CAMTA1: variants seen among roughly 807,000 people sequenced by gnomAD.
CAMTA1 encodes calmodulin binding transcription activator 1.
A neutral mutation model predicts 170.9 loss-of-function variants in CAMTA1; 27 were observed. That is an observed-to-expected ratio of 0.16 (90% CI 0.12 to 0.22). The LOEUF (loss-of-function observed/expected upper bound fraction) is 0.22. Among genes scored for constraint, CAMTA1 ranks in the 10% least tolerant of loss-of-function variants. The pLI, the probability that CAMTA1 is intolerant of heterozygous loss-of-function variation, is 1.00. For synonymous variants in CAMTA1, 833 were observed against 891.5 expected (o/e 0.93, Z 1.17); for missense variants, 1,619 against 2,217.2 (o/e 0.73, Z 5.42).
intron 6 of CAMTA1, among the ~76,000 whole-genome samples, chr1:7,613,831 C>G (rs183785355): frequency 0.011 from 1,547 of 139,080 alleles, 17 homozygotes; most frequent in African/African-American, 0.039. Flanking sequence ...CCAGAGGAGT[C>G]GGGGGAGCAA....
rs972489702 is a variant in CAMTA1 at position 6,887,616 on chromosome 1, G to A, written c.234+62406G>A. The A allele has an allele frequency of 1.3e-6, 2 of 1,530,836 alleles. No individual in the cohort carries two copies. The highest frequency in any genetic ancestry group is 8.7e-7 in the Non-Finnish European group (1 of 1,144,916). 94.8% of individuals were successfully genotyped at this position (1,530,836 alleles called of 1,614,324 possible). A position where few individuals can be genotyped will look rare whatever the true frequency, so the allele number is the denominator to read the frequency against. On this transcript the variant is annotated intron_variant, in intron 3 of 22. Transcript: ENST00000303635. The surrounding 1 kb of genome is among the most constrained non-coding windows in gnomAD (Gnocchi z 4.1). ...TCTTCAGTTAAAAACAGAAATAGAA[G>A]CGACGGTTTTGACCCATTTTACACC...
chr1:7,683,134 C>T (rs2096226440), intron 11 of CAMTA1, among the ~76,000 whole-genome samples: 1 of 149,946 alleles, frequency 6.7e-6, no homozygotes, highest in Non-Finnish European at 1.5e-5. Flanking sequence ...GAGATTGTGC[C>T]ACTGCACTCC....
At chr1:7,168,346 C>T (rs1648927187) in intron 4 of CAMTA1, among the ~76,000 whole-genome samples, 1 of 152,154 alleles carries the variant, frequency 6.6e-6, no homozygotes, top group Admixed American at 6.5e-5. Context: ...CATTACTGAG[C>T]AGATTAGAAC....
Position 7,076,218 on chromosome 1 carries a change from G to A in CAMTA1, c.235-15086G>A, listed in dbSNP as rs575577364. 1.9e-4 allele frequency among the ~76,000 whole-genome samples: 29 copies of A among 152,270 alleles called. No individual in the cohort carries two copies. The South Asian group carries it at 4.8e-3, about 25-fold the overall frequency. On this transcript the variant is annotated intron_variant, in intron 3 of 22. Coordinates refer to ENST00000303635, the MANE Select transcript of CAMTA1 (RefSeq NM_015215.4). Reference sequence around the variant, plus strand: ...CATCACGTTGGACAAGAAGGGCCTCGTTTTATTGGAACCTCTTTCTTTTTC... The same window carrying A: ...CATCACGTTGGACAAGAAGGGCCTCATTTTATTGGAACCTCTTTCTTTTTC...
chr1:7,766,466 G>T lies in CAMTA1; in HGVS notation c.4997G>T (p.Arg1666Ile). Residue 1666 changes from arginine to isoleucine, a missense_variant, in exon 23 of 23, where the codon AGA becomes ATA. Coordinates refer to ENST00000303635, the MANE Select transcript of CAMTA1 (RefSeq NM_015215.4). ...VDHRLYKRSE[R>I]IEKGQGT ...GTTTTGTTTCTCTTCCAGAGTGAAA[G>T]AATTGAAAAAGGCCAAGGAACTTGA... 2 of 1,614,024 alleles carry T rather than the reference G, an allele frequency of 1.2e-6. No individual in the cohort carries two copies. The highest frequency in any genetic ancestry group is 8.5e-7 in the Non-Finnish European group (1 of 1,179,968).
At position 7,370,896 on chromosome 1, in the gene CAMTA1, C is replaced by T. The variant is rs553861424; in HGVS notation, c.439-96934C>T. On this transcript the variant is annotated intron_variant, in intron 5 of 22. Coordinates refer to ENST00000303635, the MANE Select transcript of CAMTA1 (RefSeq NM_015215.4). ...TTGCCCTGGGTCCTGGGATATGGCACTTTCTTTTTCTTTCTTTCTTTTTTT... is the reference window on the plus strand; with the variant it reads ...TTGCCCTGGGTCCTGGGATATGGCATTTTCTTTTTCTTTCTTTCTTTTTTT... Among the ~76,000 whole-genome samples, 4 of 82,500 alleles carry T rather than the reference C, an allele frequency of 4.8e-5. No homozygotes were observed. The South Asian group carries it at 1.9e-3, about 39-fold the overall frequency. The allele number at this position is 82,500 out of a possible 152,430, so 54.1% of individuals were successfully genotyped here.
intron 4 of CAMTA1, among the ~76,000 whole-genome samples, chr1:7,238,243 C>T (rs999774966): frequency 3.3e-5 from 5 of 150,966 alleles, no homozygotes; most frequent in Non-Finnish European, 7.4e-5. Context: ...ACATCTGAAG[C>T]TTGGGCACAG....
In CAMTA1 at chr1:7,661,806, G is replaced by C. The variant is rs778114036; in HGVS notation, c.745G>C (p.Asp249His). Residue 249 changes from aspartate to histidine, a missense_variant, in exon 8 of 23, where the codon GAC becomes CAC. This residue lies in a region of CAMTA1 where 731 missense variants were observed against 907.6 expected (regional missense o/e 0.81). Coordinates refer to ENST00000303635, the MANE Select transcript of CAMTA1 (RefSeq NM_015215.4). Reference sequence around the variant, plus strand: ...GGAACAGCTGGTGCAGCAGATCCTCGACAGCCACCAGACCAAGCCCCAGCC... The same window carrying C: ...GGAACAGCTGGTGCAGCAGATCCTCCACAGCCACCAGACCAAGCCCCAGCC... ...SVEQLVQQILDSHQTKPQPRT... is the reference protein window; with the variant it reads ...SVEQLVQQILHSHQTKPQPRT... The C allele has an allele frequency of 1.2e-6, 2 of 1,613,400 alleles. No homozygotes were observed. Among genetic ancestry groups the C allele is most frequent in the Admixed American group, 1.7e-5 (1 of 59,986 alleles).
At chr1:7,630,010 T>C (rs1334896824) in intron 6 of CAMTA1, among the ~76,000 whole-genome samples, 1 of 152,214 alleles carries the variant, frequency 6.6e-6, no homozygotes, top group Non-Finnish European at 1.5e-5. Flanking sequence ...TCTTTTTCGT[T>C]ACTCATTAAA....
chr1:7,567,215 C>T (rs938451723), intron 6 of CAMTA1, among the ~76,000 whole-genome samples: 4 of 152,154 alleles, frequency 2.6e-5, no homozygotes, highest in African/African-American at 7.2e-5. Flanking sequence ...ATGGTGGCAG[C>T]GGAGGAAGGC....
rs570079149 is a variant in CAMTA1 at position 7,452,519 on chromosome 1, G to T, written c.439-15311G>T. Among the ~76,000 whole-genome samples the T allele has an allele frequency of 5.6e-4, 86 of 152,284 alleles. 2 individuals carry two copies. In the South Asian group the frequency reaches 0.017, roughly 30 times the overall value. ...GGAAACTCCCAATGCATTAGCAGCC[G>T]TTCCCCCTTCTTCCCTCCCTCTGCC... On this transcript the variant is annotated intron_variant, in intron 5 of 22. Transcript: ENST00000303635.
chr1:7,740,256 A>G (rs988683950), intron 16 of CAMTA1, among the ~76,000 whole-genome samples: 1 of 152,268 alleles, frequency 6.6e-6, no homozygotes, highest in African/African-American at 2.4e-5. Flanking sequence ...TGTAGGCCAT[A>G]CAGACTTTGT....
rs566821159 is a variant in CAMTA1, at chr1:6,970,825, A to T, written c.235-120479A>T. 6.6e-6 allele frequency among the ~76,000 whole-genome samples: 1 copy of T among 152,206 alleles called. No homozygotes were observed. Among genetic ancestry groups the T allele is most frequent in the Non-Finnish European group, 1.5e-5 (1 of 68,036 alleles). On this transcript the variant is annotated intron_variant, in intron 3 of 22. Coordinates refer to ENST00000303635, the MANE Select transcript of CAMTA1 (RefSeq NM_015215.4). The surrounding 1 kb of genome is among the most constrained non-coding windows in gnomAD (Gnocchi z 4.4). ...AGAACAGAACAGACCCAACAACCTC[A>T]GGAGAATGAACAGCCAGGTGTTCCC...
chr1:7,372,362 T>A (rs1207869533), intron 5 of CAMTA1, among the ~76,000 whole-genome samples: 1 of 152,210 alleles, frequency 6.6e-6, no homozygotes, highest in African/African-American at 2.4e-5. Context: ...TTTGTGAGTA[T>A]CCTTGCTGTA....
chr1:7,232,588 G>A (rs1663041939), intron 4 of CAMTA1, among the ~76,000 whole-genome samples: 2 of 152,182 alleles, frequency 1.3e-5, no homozygotes, highest in Admixed American at 6.5e-5. Context: ...GGGCACACCT[G>A]TGTAGCACTC....
intron 6 of CAMTA1, among the ~76,000 whole-genome samples, chr1:7,492,160 GTCCTCC>G (rs2093712368): frequency 6.6e-6 from 1 of 152,168 alleles, no homozygotes; most frequent in Admixed American, 6.5e-5. Flanking sequence ...TGCTAAGCAA[GTCCTCC>G]TTGGTAGAGC....
chr1:6,882,482 T>C (rs955659959), intron 3 of CAMTA1, among the ~76,000 whole-genome samples: 5 of 152,134 alleles, frequency 3.3e-5, no homozygotes, highest in African/African-American at 1.2e-4. Context: ...ACTGTATTAA[T>C]ATAGGAAGAG....
intron 6 of CAMTA1, among the ~76,000 whole-genome samples, chr1:7,515,959 G>A (rs1380377869): frequency 6.6e-6 from 1 of 152,184 alleles, no homozygotes; most frequent in African/African-American, 2.4e-5. Flanking sequence ...AGGTCTCAGG[G>A]ACTGATGTCC....
chr1:7,240,590 C>G lies in CAMTA1; in HGVS notation c.303-8901C>G, dbSNP rs147702128. ...AGGCTGGAGTGCAGTGGTGCTATCTCGGTTCACTGTAACCTCCGCCTCCTG... is the reference window on the plus strand; with the variant it reads ...AGGCTGGAGTGCAGTGGTGCTATCTGGGTTCACTGTAACCTCCGCCTCCTG... On this transcript the variant is annotated intron_variant, in intron 4 of 22. Coordinates refer to ENST00000303635, the MANE Select transcript of CAMTA1 (RefSeq NM_015215.4). 1.8e-3 allele frequency among the ~76,000 whole-genome samples: 267 copies of G among 149,880 alleles called. 1 individual carries two copies. Among genetic ancestry groups the G allele is most frequent in the African/African-American group, 6.2e-3 (252 of 40,726 alleles).
Sources: allele counts gnomAD v4.1 joint callset (sites outside exome capture counted in the v4.1 genomes callset), GRCh38; gene constraint gnomAD v4.1.1; regional missense constraint gnomAD v4.1.1; non-coding constraint Gnocchi (gnomAD v3.1); transcripts MANE v1.5; gene names NCBI Gene and HGNC (gene_info 2026-07-23, HGNC 2026-07-21).